Variants in SH3BGRL2 observed in about 807,000 individuals in gnomAD.
SH3BGRL2 encodes SH3 domain binding glutamate rich protein like 2.
A neutral mutation model predicts 14.8 loss-of-function variants in SH3BGRL2; 21 were observed. The observed-to-expected ratio is 1.42, with a 90% confidence interval of 1.01 to 2.05. The LOEUF (loss-of-function observed/expected upper bound fraction) is 2.05, where lower values mean the gene tolerates loss of function less well. Among genes scored for constraint, SH3BGRL2 ranks in the 30% most tolerant of loss-of-function variants. The pLI, the probability that SH3BGRL2 is intolerant of heterozygous loss-of-function variation, is 0.00. For missense variants in SH3BGRL2, 147 were observed against 130.8 expected, an observed-to-expected ratio of 1.12 and a Z score of -0.61; for synonymous variants, 50 against 47.8, an observed-to-expected ratio of 1.05 and a Z score of -0.19.
intron 2 of SH3BGRL2, among the ~76,000 whole-genome samples, chr6:79,674,088 A>ATGTG (rs2127733532): frequency 7.1e-6 from 1 of 141,046 alleles, no homozygotes; most frequent in Non-Finnish European, 1.6e-5. Flanking sequence ...AGCTCTGTGT[A>ATGTG]TGTGTGTATG....
At chr6:79,679,384 C>CT (rs1562155996) in intron 2 of SH3BGRL2, among the ~76,000 whole-genome samples, 1 of 146,308 alleles carries the variant, frequency 6.8e-6, no homozygotes, top group African/African-American at 2.6e-5. Context: ...ATTTTTTTTT[C>CT]ATTTTTTTTT....
chr6:79,594,513 A>G, the SH3BGRL2 span, among the ~76,000 whole-genome samples: 5 of 152,174 alleles, frequency 3.3e-5, no homozygotes, highest in Non-Finnish European at 5.9e-5. Flanking sequence ...ATGGGGAGCC[A>G]GAGACACTAT....
chr6:79,552,239 T>A, the SH3BGRL2 span, among the ~76,000 whole-genome samples: 3 of 152,160 alleles, frequency 2.0e-5, no homozygotes, highest in African/African-American at 7.2e-5. Context: ...TTACGGCTGG[T>A]GGAACAGGGT....
At chr6:79,539,867 C>T in the SH3BGRL2 span, among the ~76,000 whole-genome samples, 4 of 152,160 alleles carry the variant, frequency 2.6e-5, no homozygotes, top group South Asian at 2.1e-4. Context: ...GTATAATTAT[C>T]CTTAGCTAAA....
chr6:79,545,075 A>G, the SH3BGRL2 span, among the ~76,000 whole-genome samples: 4 of 152,218 alleles, frequency 2.6e-5, no homozygotes, highest in South Asian at 8.3e-4. Context: ...CAATGTAAAC[A>G]AATGCTGAAG....
At chr6:79,676,566 G>C (rs1769885617) in intron 2 of SH3BGRL2, among the ~76,000 whole-genome samples, 1 of 150,184 alleles carries the variant, frequency 6.7e-6, no homozygotes, top group Non-Finnish European at 1.5e-5. Flanking sequence ...TTGTGGTTTA[G>C]GCCTTTAGAT....
rs1187917223 is a variant in SH3BGRL2, at chr6:79,702,305, C to G, written c.*2796C>G. 1 of 152,446 alleles carries G rather than the reference C, an allele frequency of 6.6e-6. No individual in the cohort carries two copies. The highest frequency in any genetic ancestry group is 1.9e-4 in the East Asian group (1 of 5,184). 9.4% of individuals were successfully genotyped at this position (152,446 alleles called of 1,614,324 possible). ...TATTGAAAAGTACCAAAGCTTCTTT[C>G]TGTTGTGTTTGATTTTACTATAGGG... is the stretch of plus-strand genomic sequence containing the variant. On this transcript the variant is annotated 3_prime_UTR_variant, in exon 4 of 4. Transcript: ENST00000369838.
At chr6:79,547,716 G>A in the SH3BGRL2 span, among the ~76,000 whole-genome samples, 123 of 152,178 alleles carry the variant, frequency 8.1e-4, no homozygotes, top group African/African-American at 2.8e-3. Flanking sequence ...GAATATTATA[G>A]AATGTGTCCA....
the SH3BGRL2 span, among the ~76,000 whole-genome samples, chr6:79,622,779 T>C: frequency 2.0e-5 from 3 of 152,228 alleles, no homozygotes; most frequent in Admixed American, 1.3e-4. Flanking sequence ...TTTTCTGGTT[T>C]TGAGAGATGA....
chr6:79,612,574 C>T, the SH3BGRL2 span, among the ~76,000 whole-genome samples: 4 of 152,140 alleles, frequency 2.6e-5, no homozygotes, highest in African/African-American at 4.8e-5. Flanking sequence ...AAAATACAAA[C>T]CTGGAGCATC....
At chr6:79,546,893 G>T in the SH3BGRL2 span, among the ~76,000 whole-genome samples, 1 of 151,886 alleles carries the variant, frequency 6.6e-6, no homozygotes, top group Non-Finnish European at 1.5e-5. Context: ...TGTTGGCCAG[G>T]CTGGTCTCGA....
intron 1 of SH3BGRL2, among the ~76,000 whole-genome samples, chr6:79,670,174 A>G (rs968736995): frequency 6.6e-6 from 1 of 152,204 alleles, no homozygotes; most frequent in Admixed American, 6.5e-5. Flanking sequence ...ATGGAATACC[A>G]TTATTCTTTT....
chr6:79,665,045 C>T (rs545196374), intron 1 of SH3BGRL2, among the ~76,000 whole-genome samples: 2 of 152,116 alleles, frequency 1.3e-5, no homozygotes, highest in South Asian at 2.1e-4. Flanking sequence ...ACTAAAAATA[C>T]GAAAATTAGC....
At chr6:79,656,029 A>G (rs1465520349) in intron 1 of SH3BGRL2, among the ~76,000 whole-genome samples, 1 of 152,198 alleles carries the variant, frequency 6.6e-6, no homozygotes, top group Non-Finnish European at 1.5e-5. Context: ...CATCTTAAGG[A>G]TAATGAGAAG....
intron 2 of SH3BGRL2, among the ~76,000 whole-genome samples, chr6:79,687,681 A>T (rs1450891040): frequency 6.6e-6 from 1 of 152,192 alleles, no homozygotes; most frequent in Non-Finnish European, 1.5e-5. Context: ...CTTGAAAGAA[A>T]ATTTGAGAAG....
At chr6:79,671,455 A>T (rs563225121) in intron 1 of SH3BGRL2, among the ~76,000 whole-genome samples, 1 of 152,214 alleles carries the variant, frequency 6.6e-6, no homozygotes, top group Non-Finnish European at 1.5e-5. Flanking sequence ...GTCTCAAAAC[A>T]AAACAAAACA....
intron 1 of SH3BGRL2, among the ~76,000 whole-genome samples, chr6:79,639,771 A>G (rs2127723443): frequency 6.6e-6 from 1 of 152,328 alleles, no homozygotes; most frequent in South Asian, 2.1e-4. Flanking sequence ...TTCAGCAGGA[A>G]TTCCTTTAAA....
chr6:79,648,599 A>G (rs1277221976), intron 1 of SH3BGRL2, among the ~76,000 whole-genome samples: 2 of 151,588 alleles, frequency 1.3e-5, no homozygotes, highest in East Asian at 1.9e-4. Context: ...CCTGGCCTCA[A>G]TGCAGTCAAG....
the SH3BGRL2 span, among the ~76,000 whole-genome samples, chr6:79,538,037 T>TTTTTTTTTTG: frequency 7.2e-6 from 1 of 139,096 alleles, no homozygotes; most frequent in Non-Finnish European, 1.5e-5. Flanking sequence ...TTTTTTTTTT[T>TTTTTTTTTTG]TTTTTTTTTT....
Sources: gnomAD v4.1 joint callset for allele counts (sites outside exome capture counted in the v4.1 genomes callset) on GRCh38, gnomAD v4.1.1 for gene constraint, MANE v1.5 for transcripts, NCBI Gene and HGNC (gene_info 2026-07-23, HGNC 2026-07-21) for gene names.